FSD2: variants seen among roughly 807,000 people sequenced by gnomAD.
FSD2 encodes fibronectin type III and SPRY domain-containing protein 2.
FSD2 carries 71 observed loss-of-function variants against 80.4 expected under a neutral mutation model. The ratio of observed to expected loss-of-function variants is 0.88; its 90% CI spans 0.73 to 1.08. The LOEUF (loss-of-function observed/expected upper bound fraction) is 1.08. Ranked by LOEUF, FSD2 falls within the 50% of genes least tolerant of loss-of-function variation. The pLI is 0.00. For missense variants in FSD2, 923 were observed against 913.8 expected (o/e 1.01, Z -0.13); for synonymous variants, 361 against 329.5 (o/e 1.10, Z -1.03).
At chr15:82,777,926 G>A (rs1282056596) in intron 6 of FSD2, among the ~76,000 whole-genome samples, 1 of 150,470 alleles carries the variant, frequency 6.6e-6, no homozygotes, top group Non-Finnish European at 1.5e-5. Context: ...CTGTTGGTGT[G>A]AATGTAAAAT....
intron 1 of FSD2, among the ~76,000 whole-genome samples, chr15:82,792,939 A>G (rs762652009): frequency 6.6e-6 from 1 of 152,078 alleles, no homozygotes; most frequent in Non-Finnish European, 1.5e-5. Flanking sequence ...TATCAGGGTA[A>G]TATGTCTCAT....
chr15:82,778,986 T>C (rs1431856578), intron 5 of FSD2, 99 bp from the exon 6 acceptor site: 2 of 1,383,132 alleles, frequency 1.4e-6, no homozygotes, highest in Non-Finnish European at 2.0e-6. Context: ...GAGGGGCTCT[T>C]TGCTGAACTT....
chr15:82,799,454 T>A (rs1247216708), intron 1 of FSD2, among the ~76,000 whole-genome samples: 1 of 152,142 alleles, frequency 6.6e-6, no homozygotes, highest in Non-Finnish European at 1.5e-5. Flanking sequence ...TCTCATCCAG[T>A]CTCACAGCTT....
chr15:82,759,334 G>T lies in FSD2; in HGVS notation c.*14C>A. On this transcript the variant is annotated 3_prime_UTR_variant, in exon 13 of 13. Transcript: ENST00000334574. ...GGTAGGCATGGAAGACAGGAAACTGGACATCAGAATGTTCTAATAGAAAGT... is the reference window on the plus strand; with the variant it reads ...GGTAGGCATGGAAGACAGGAAACTGTACATCAGAATGTTCTAATAGAAAGT... 6.2e-7 allele frequency: 1 copy of T among 1,610,480 alleles called. No homozygotes were observed. Among genetic ancestry groups the T allele is most frequent in the South Asian group, 1.1e-5 (1 of 90,524 alleles).
chr15:82,765,772 G>T, intron 10 of FSD2, 126 bp downstream of exon 10: 2 of 1,233,516 alleles, frequency 1.6e-6, no homozygotes, highest in Non-Finnish European at 1.1e-6. Flanking sequence ...ACTCCTTCTG[G>T]CCTGACTTGC....
chr15:82,786,874 C>T lies in FSD2; in HGVS notation c.517G>A (p.Glu173Lys), dbSNP rs746519048. ...CYVIPEEEDE[E>K]EAADVFCVTC... is the part of the protein sequence containing the mutation. ...ACACAGAAGACATCAGCAGCTTCTT[C>T]TTCATCCTCTTCCTCGGGGATGACA... The change falls in exon 2 of 13, where the codon GAA (glutamate) becomes AAA (lysine). Residue 173 changes from glutamate (E) to lysine (K), a missense_variant. Physicochemically the swap from Glu to Lys is moderately conservative, Grantham distance 56 (BLOSUM62 1). Coordinates refer to ENST00000334574, the MANE Select transcript of FSD2 (RefSeq NM_001007122.4). The T allele has an allele frequency of 6.2e-7, 1 of 1,614,020 alleles. No homozygotes were observed. Among genetic ancestry groups the T allele is most frequent in the Non-Finnish European group, 8.5e-7 (1 of 1,179,900 alleles).
At chr15:82,781,638 T>C (rs78593843) in intron 4 of FSD2, among the ~76,000 whole-genome samples, 1,673 of 152,268 alleles carry the variant, frequency 0.011, 23 homozygotes, top group African/African-American at 0.037. Flanking sequence ...TTTTTTTGCA[T>C]GTCTGAGTTC....
At chr15:82,759,664 T>C in intron 12 of FSD2, 64 bp from the exon 13 acceptor site, 1 of 1,316,930 alleles carries the variant, frequency 7.6e-7, no homozygotes, top group Non-Finnish European at 1.0e-6. Flanking sequence ...TTATAGAACA[T>C]TTCATACTAA....
At chr15:82,766,121 C>A in intron 9 of FSD2, 90 bp from the exon 10 acceptor site, 1 of 1,402,004 alleles carries the variant, frequency 7.1e-7, no homozygotes, top group Non-Finnish European at 9.5e-7. Flanking sequence ...GAAGGTTTAA[C>A]TCACTCTTGC....
chr15:82,761,800 A>G (rs961952045), intron 12 of FSD2, among the ~76,000 whole-genome samples: 24 of 151,820 alleles, frequency 1.6e-4, no homozygotes, highest in African/African-American at 5.6e-4. Flanking sequence ...ACAGGTGCAC[A>G]CCACTGCACC....
intron 3 of FSD2, 122 bp from the exon 4 acceptor site, chr15:82,783,147 G>A: frequency 2.8e-6 from 2 of 706,818 alleles, no homozygotes. Context: ...TGCCCAGGCT[G>A]GAGTACAGTA....
At chr15:82,777,456 A>G (rs979036033) in intron 6 of FSD2, among the ~76,000 whole-genome samples, 1 of 152,246 alleles carries the variant, frequency 6.6e-6, no homozygotes, top group Non-Finnish European at 1.5e-5. Flanking sequence ...GCCACCTTGT[A>G]TATGAAAGAG....
chr15:82,783,858 C>T (rs1025423279), intron 3 of FSD2, among the ~76,000 whole-genome samples: 8 of 152,238 alleles, frequency 5.3e-5, no homozygotes, highest in South Asian at 2.1e-4. Flanking sequence ...TGTGGTCTGG[C>T]GGCACTGCTT....
intron 9 of FSD2, among the ~76,000 whole-genome samples, chr15:82,767,845 C>T (rs2151492674): frequency 6.6e-6 from 1 of 152,306 alleles, no homozygotes; most frequent in African/African-American, 2.4e-5. Context: ...GAAGAATCTG[C>T]TTCCCTAACA....
intron 1 of FSD2, among the ~76,000 whole-genome samples, chr15:82,796,000 C>CTTTTTTTTTTTT (rs143711664): frequency 1.7e-5 from 2 of 117,496 alleles, no homozygotes; most frequent in Non-Finnish European, 3.4e-5. Context: ...TTTTTCTTTT[C>CTTTTTTTTTTTT]TTTTTTTTTT....
chr15:82,801,083 C>T lies in FSD2; in HGVS notation c.-79+4883G>A, dbSNP rs867256734. Among the ~76,000 whole-genome samples, 4 of 152,312 alleles carry T rather than the reference C, an allele frequency of 2.6e-5. 1 individual carries two copies. In the Middle Eastern group the frequency reaches 0.014, roughly 518 times the overall value. On this transcript the variant is annotated intron_variant, in intron 1 of 12. Coordinates refer to ENST00000334574, the MANE Select transcript of FSD2 (RefSeq NM_001007122.4). ...CCCTCAAGGAGCAGCCCATTCTTTT[C>T]TTCTTCAGTGCCAGCTTCCTTGTGC...
intron 3 of FSD2, among the ~76,000 whole-genome samples, chr15:82,783,526 G>A (rs892208926): frequency 5.9e-5 from 9 of 152,096 alleles, no homozygotes; most frequent in Admixed American, 3.9e-4. Flanking sequence ...AGGTGTCTCC[G>A]GCCTAGACTC....
intron 7 of FSD2, among the ~76,000 whole-genome samples, chr15:82,771,221 C>T (rs1341070265): frequency 6.6e-6 from 1 of 152,230 alleles, no homozygotes; most frequent in African/African-American, 2.4e-5. Context: ...TGATTCACGT[C>T]CTTGTTCTGC....
intron 3 of FSD2, among the ~76,000 whole-genome samples, chr15:82,784,410 A>C (rs941976943): frequency 1.3e-5 from 2 of 151,560 alleles, no homozygotes; most frequent in African/African-American, 2.4e-5. Flanking sequence ...AAGCCCAACT[A>C]ATTTTTTTTG....
Sources: gnomAD v4.1 joint callset for allele counts (sites outside exome capture counted in the v4.1 genomes callset) on GRCh38, gnomAD v4.1.1 for gene constraint, MANE v1.5 for transcripts, NCBI Gene and HGNC (gene_info 2026-07-23, HGNC 2026-07-21) for gene names.